Variants in ORC4 observed in about 807,000 individuals in gnomAD.
ORC4 encodes origin recognition complex, subunit 4 homolog.
In ORC4, 55 loss-of-function variants were observed where a neutral mutation model predicts 63.9. The ratio of observed to expected loss-of-function variants is 0.86; its 90% CI spans 0.69 to 1.08. ORC4 has a LOEUF of 1.08. ORC4 is among the 50% of genes least tolerant of loss of function. The probability of loss-of-function intolerance (pLI) is 0.00; values close to 1 mark genes in which losing one functional copy is unlikely to be tolerated. For synonymous variants in ORC4, 150 were observed against 168.5 expected (o/e 0.89, Z 0.85); for missense variants, 511 against 504.4 (o/e 1.01, Z -0.13).
At chr2:147,941,202 T>C (rs1688344049) in intron 10 of ORC4, among the ~76,000 whole-genome samples, 1 of 152,150 alleles carries the variant, frequency 6.6e-6, no homozygotes, top group South Asian at 2.1e-4. Context: ...ATTATATTTC[T>C]TTGTATATAT....
intron 11 of ORC4, chr2:147,938,663 C>T: frequency 2.4e-6 from 1 of 419,882 alleles, no homozygotes; most frequent in Non-Finnish European, 4.3e-6. Flanking sequence ...CAGGCACTCA[C>T]CATATGGCCC....
intron 1 of ORC4, among the ~76,000 whole-genome samples, chr2:147,989,410 AC>A (rs1487007665): frequency 1.3e-5 from 2 of 152,148 alleles, no homozygotes; most frequent in African/African-American, 4.8e-5. Flanking sequence ...AAATATAAAA[AC>A]ATACCACTTT....
In ORC4 at chr2:147,930,877, T is replaced by TTAAG. The variant is rs1207110190; in HGVS notation, c.*4629_*4632dup. On this transcript the variant is annotated 3_prime_UTR_variant, in exon 14 of 14. Coordinates refer to ENST00000392857, the MANE Select transcript of ORC4 (RefSeq NM_181741.4). ...CTATGTTTTTTTTTTTTTTTATACT[T>TTAAG]TAAGTTTTAGGGTACATGTGCACAT... 12 of 152,048 alleles carry TTAAG rather than the reference T, an allele frequency of 7.9e-5. No individual in the cohort carries two copies. The highest frequency in any genetic ancestry group is 2.2e-4 in the African/African-American group (9 of 41,170). The allele number at this position is 152,048 out of a possible 1,614,324, so 9.4% of individuals were successfully genotyped here.
chr2:147,979,902 C>T (rs1225744129), intron 1 of ORC4, among the ~76,000 whole-genome samples: 1 of 152,078 alleles, frequency 6.6e-6, no homozygotes, highest in African/African-American at 2.4e-5. Context: ...ACCCTTATTG[C>T]ACACCATATA....
chr2:148,004,182 G>A (rs141338771), intron 1 of ORC4, among the ~76,000 whole-genome samples: 1,924 of 152,048 alleles, frequency 0.013, 44 homozygotes, highest in African/African-American at 0.044. Flanking sequence ...TGGCCACACC[G>A]CCCAAAGTAA....
At chr2:147,958,753 T>C (rs1353201936) in intron 5 of ORC4, 38 bp downstream of exon 5, 3 of 1,015,580 alleles carry the variant, frequency 3.0e-6, no homozygotes, top group Non-Finnish European at 4.7e-6. Flanking sequence ...CCCACAAAGT[T>C]TACATAATCT....
chr2:147,955,403 A>C lies in ORC4; in HGVS notation c.388-8T>G. The C allele has an allele frequency of 6.3e-7, 1 of 1,594,074 alleles. No individual in the cohort carries two copies. Among genetic ancestry groups the C allele is most frequent in the East Asian group, 2.2e-5 (1 of 44,528 alleles). ...GTTTTCAGCAAAGCTTCCCTGAACA[A>C]CAAAATGAGATAAAATGATTAAAAG... On this transcript the variant is annotated splice_polypyrimidine_tract_variant and splice_region_variant and intron_variant, in intron 6 of 13. Transcript: ENST00000392857.
intron 1 of ORC4, among the ~76,000 whole-genome samples, chr2:147,997,541 A>G (rs145750164): frequency 6.6e-6 from 1 of 152,154 alleles, no homozygotes; most frequent in East Asian, 1.9e-4. Context: ...AATATAAAGC[A>G]AACAAACATA....
rs1178143758 is a variant in ORC4, at chr2:147,933,167, A to AT, written c.*2342dup. On this transcript the variant is annotated 3_prime_UTR_variant, in exon 14 of 14. Coordinates refer to ENST00000392857, the MANE Select transcript of ORC4 (RefSeq NM_181741.4). Reference sequence around the variant, plus strand: ...CAGATTGAAAAGCAGGAGTTCATGCATTTTTTGGTTCTATTTTTCCTCCTC... The same window carrying AT: ...CAGATTGAAAAGCAGGAGTTCATGCATTTTTTTGGTTCTATTTTTCCTCCTC... The AT allele has an allele frequency of 6.6e-6, 1 of 152,006 alleles. No individual in the cohort carries two copies. Among genetic ancestry groups the AT allele is most frequent in the Non-Finnish European group, 1.5e-5 (1 of 67,982 alleles). 9.4% of individuals were successfully genotyped at this position (152,006 alleles called of 1,614,324 possible). A position where few individuals can be genotyped will look rare whatever the true frequency, so the allele number is the denominator to read the frequency against.
chr2:147,960,901 T>C (rs1306196779), intron 4 of ORC4, among the ~76,000 whole-genome samples: 1 of 152,048 alleles, frequency 6.6e-6, no homozygotes, highest in African/African-American at 2.4e-5. Flanking sequence ...CAAAAAAAGG[T>C]ATTTTCTAGG....
chr2:148,021,148 A>AG (rs747448520), upstream of ORC4: 11 of 153,790 alleles, frequency 7.2e-5, no homozygotes, highest in Non-Finnish European at 7.2e-5. Context: ...GCAGTGGCAG[A>AG]GGGGGGGCAC....
chr2:147,961,511 T>C (rs147062203), intron 4 of ORC4, among the ~76,000 whole-genome samples: 1 of 151,952 alleles, frequency 6.6e-6, no homozygotes, highest in East Asian at 1.9e-4. Flanking sequence ...AAATTATATC[T>C]GACAATTTAT....
At chr2:148,013,812 T>C (rs981634328) in intron 1 of ORC4, among the ~76,000 whole-genome samples, 3 of 152,150 alleles carry the variant, frequency 2.0e-5, no homozygotes, top group Non-Finnish European at 4.4e-5. Flanking sequence ...GAAAGACAAT[T>C]AGGGTTTTAT....
chr2:147,967,997 A>T (rs17219029), intron 4 of ORC4, among the ~76,000 whole-genome samples: 1 of 152,130 alleles, frequency 6.6e-6, no homozygotes. Flanking sequence ...TAATCTGCTT[A>T]TCAACAGCCA....
intron 9 of ORC4, 31 bp downstream of exon 9, chr2:147,948,020 G>A: frequency 6.4e-7 from 1 of 1,560,242 alleles, no homozygotes; most frequent in Non-Finnish European, 8.8e-7. Context: ...ATATAGCAAG[G>A]AACATTTAGC....
At chr2:147,964,251 CAG>C (rs1207967920) in intron 4 of ORC4, among the ~76,000 whole-genome samples, 2 of 151,778 alleles carry the variant, frequency 1.3e-5, no homozygotes, top group Admixed American at 6.6e-5. Flanking sequence ...AAGAAATTAA[CAG>C]AGATACCATA....
rs192367866 is a variant in ORC4, at chr2:148,010,978, G to A, written c.-18+9655C>T. ...AGATTAGCTGGGATTACAGGCATAA[G>A]CCACCATGCCCAGCTAATTTTTGTA... On this transcript the variant is annotated intron_variant, in intron 1 of 13. Transcript: ENST00000392857. 3.2e-4 allele frequency among the ~76,000 whole-genome samples: 48 copies of A among 149,648 alleles called. 1 individual carries two copies. In the East Asian group the frequency reaches 9.1e-3, roughly 28 times the overall value.
chr2:148,016,981 A>C (rs776853540), intron 1 of ORC4, among the ~76,000 whole-genome samples: 1 of 152,230 alleles, frequency 6.6e-6, no homozygotes, highest in Non-Finnish European at 1.5e-5. Flanking sequence ...CAAAAAATTA[A>C]GACAAAGCAA....
At chr2:148,005,224 C>T (rs6430282) in intron 1 of ORC4, among the ~76,000 whole-genome samples, 50,103 of 151,882 alleles carry the variant, frequency 0.33, 8,533 homozygotes, top group East Asian at 0.52. Context: ...TACTATGAAG[C>T]CATAAAAAAG....
Sources: allele counts gnomAD v4.1 joint callset (sites outside exome capture counted in the v4.1 genomes callset), GRCh38; gene constraint gnomAD v4.1.1; transcripts MANE v1.5; gene names NCBI Gene and HGNC (gene_info 2026-07-23, HGNC 2026-07-21).